The following MARK4 variants were observed in gnomAD, a reference collection of about 807,000 sequenced individuals.
The protein encoded by MARK4 is microtubule affinity regulating kinase 4.
In MARK4, 19 loss-of-function variants were observed where a neutral mutation model predicts 81.5. The observed-to-expected ratio is 0.23, with a 90% CI of 0.16 to 0.34. The LOEUF is 0.34. Ranked by LOEUF, MARK4 falls within the 10% of genes least tolerant of loss-of-function variation. MARK4 has a pLI of 1.00. For synonymous variants in MARK4, 436 were observed against 439.0 expected, an observed-to-expected ratio of 0.99 and a Z score of 0.08; for missense variants, 772 against 1,058.8, an observed-to-expected ratio of 0.73 and a Z score of 3.76.
In MARK4 at chr19:45,297,679, A is replaced by T. The variant is rs765196292; in HGVS notation, c.1602A>T (p.Ser534=). The part of the protein sequence containing the change: ...SLLPNGKENS[S]GTPRVPPASP... ...ACTTGTCTGTCTCTGCCCACAGCTCAGGCACCCCACGGGTGCCCCCTGCCT... is the reference window on the plus strand; with the variant it reads ...ACTTGTCTGTCTCTGCCCACAGCTCTGGCACCCCACGGGTGCCCCCTGCCT... The change falls in exon 15 of 17, where the codon TCA becomes TCT. Residue 534 remains serine (S), a synonymous_variant. Coordinates refer to ENST00000262891, the MANE Select transcript of MARK4 (RefSeq NM_001199867.2). 2.0e-6 allele frequency: 3 copies of T among 1,519,794 alleles called. No individual in the cohort carries two copies. The African/African-American group carries it at 4.2e-5, about 21-fold the overall frequency. The allele number at this position is 1,519,794 out of a possible 1,614,324, so 94.1% of individuals were successfully genotyped here.
chr19:45,291,418 G>C (rs566438739), intron 13 of MARK4, among the ~76,000 whole-genome samples: 1 of 152,294 alleles, frequency 6.6e-6, no homozygotes, highest in South Asian at 2.1e-4. Context: ...AGGCCGAGGC[G>C]GTGAATCACT....
At chr19:45,257,988 CTT>C (rs750146000) in intron 1 of MARK4, among the ~76,000 whole-genome samples, 146 of 131,564 alleles carry the variant, frequency 1.1e-3, no homozygotes, top group Admixed American at 1.7e-3. Flanking sequence ...CATGCCTGGC[CTT>C]TTTTTTTTTT....
At chr19:45,274,776 T>A (rs1050537052) in intron 8 of MARK4, among the ~76,000 whole-genome samples, 1 of 152,178 alleles carries the variant, frequency 6.6e-6, no homozygotes, top group Non-Finnish European at 1.5e-5. Flanking sequence ...GCCAGGCCAG[T>A]GTCTTACCTG....
chr19:45,259,885 G>A (rs191728949), intron 2 of MARK4, among the ~76,000 whole-genome samples: 99 of 151,916 alleles, frequency 6.5e-4, no homozygotes, highest in African/African-American at 2.1e-3. Flanking sequence ...TCAGGAGTTC[G>A]AGACCAGCCT....
intron 1 of MARK4, among the ~76,000 whole-genome samples, chr19:45,254,037 A>G (rs1433275281): frequency 6.6e-6 from 1 of 151,940 alleles, no homozygotes; most frequent in Admixed American, 6.6e-5. Flanking sequence ...CCTGGTGGGG[A>G]GTCACTTGCC....
chr19:45,259,685 G>A (rs76742857), intron 2 of MARK4, among the ~76,000 whole-genome samples: 3 of 152,168 alleles, frequency 2.0e-5, no homozygotes, highest in African/African-American at 7.2e-5. Flanking sequence ...TGAGGCGGGA[G>A]GATCGCTTGA....
At chr19:45,266,175 G>A (rs369336218) in intron 6 of MARK4, 50 bp from the exon 7 acceptor site, 274 of 1,590,970 alleles carry the variant, frequency 1.7e-4, no homozygotes, top group Non-Finnish European at 2.2e-4. Flanking sequence ...ACTGAGGGAG[G>A]CTGAGGGTTT....
intron 10 of MARK4, 103 bp downstream of exon 10, chr19:45,278,718 C>A: frequency 1.1e-6 from 1 of 878,568 alleles, no homozygotes; most frequent in Non-Finnish European, 1.8e-6. Context: ...ATTCTTGTGC[C>A]TCAGCCTCCC....
At chr19:45,284,383 C>T (rs944087322) in intron 12 of MARK4, among the ~76,000 whole-genome samples, 5 of 150,094 alleles carry the variant, frequency 3.3e-5, no homozygotes, top group Admixed American at 6.7e-5. Context: ...AGTGCAGTGG[C>T]GCAATCTTGG....
chr19:45,288,036 C>A, intron 13 of MARK4: 1 of 278,192 alleles, frequency 3.6e-6, no homozygotes, highest in Non-Finnish European at 7.0e-6. Context: ...GCCAGGAGTT[C>A]AAGAAGCATA....
intron 13 of MARK4, among the ~76,000 whole-genome samples, chr19:45,291,898 C>T (rs1970825508): frequency 6.6e-6 from 1 of 152,210 alleles, no homozygotes; most frequent in Admixed American, 6.5e-5. Context: ...GGCACTGGGG[C>T]CCTGCTGAAG....
chr19:45,271,457 C>T lies in MARK4; in HGVS notation c.550-15C>T, dbSNP rs1173842755. ...CTTGAGTCCCACTTTCCGCCCTCTC[C>T]TTCTCTCCCTGCAGGCTGAGAACCT... On this transcript the variant is annotated splice_polypyrimidine_tract_variant and intron_variant, in intron 7 of 16. Coordinates refer to ENST00000262891, the MANE Select transcript of MARK4 (RefSeq NM_001199867.2). The surrounding 1 kb of genome is among the most constrained non-coding windows in gnomAD (Gnocchi z 4.1). The T allele has an allele frequency of 1.2e-6, 2 of 1,612,428 alleles. No individual in the cohort carries two copies. Among genetic ancestry groups the T allele is most frequent in the Non-Finnish European group, 1.7e-6 (2 of 1,178,712 alleles).
intron 8 of MARK4, among the ~76,000 whole-genome samples, chr19:45,276,840 G>C (rs530658318): frequency 6.6e-6 from 1 of 150,756 alleles, no homozygotes; most frequent in African/African-American, 2.4e-5. Context: ...TCGCCATGTT[G>C]GCCTGGCTGG....
chr19:45,298,263 C>G (rs762564511), intron 15 of MARK4: 12 of 1,596,808 alleles, frequency 7.5e-6, no homozygotes, highest in Middle Eastern at 1.6e-4. Context: ...GCTCTGCCTC[C>G]CTGCCTGCAT....
chr19:45,291,314 T>C (rs984744480), intron 13 of MARK4, among the ~76,000 whole-genome samples: 13 of 152,208 alleles, frequency 8.5e-5, no homozygotes, highest in Non-Finnish European at 2.9e-5. Flanking sequence ...CCAAGGGAGC[T>C]GCTCCTTCTG....
chr19:45,289,066 T>C (rs1343767538), intron 13 of MARK4, among the ~76,000 whole-genome samples: 1 of 151,998 alleles, frequency 6.6e-6, no homozygotes, highest in African/African-American at 2.4e-5. Context: ...GGTGTGAGTC[T>C]GAGCCAATTG....
intron 13 of MARK4, among the ~76,000 whole-genome samples, chr19:45,293,834 A>T (rs35176435): frequency 1.1e-4 from 17 of 152,038 alleles, no homozygotes; most frequent in Non-Finnish European, 2.1e-4. Flanking sequence ...GGGAACCCAA[A>T]GGAGGAGGCA....
chr19:45,262,883 G>GAGAGTAGCTGGGATT (rs1970397581), intron 2 of MARK4: 3 of 494,884 alleles, frequency 6.1e-6, no homozygotes, highest in Non-Finnish European at 1.1e-5. Flanking sequence ...TTCCAACTCA[G>GAGAGTAGCTGGGATT]CCTCCAGAGT....
intron 14 of MARK4, among the ~76,000 whole-genome samples, chr19:45,295,497 G>A (rs1429007471): frequency 4.6e-5 from 7 of 152,052 alleles, no homozygotes; most frequent in South Asian, 2.1e-4. Flanking sequence ...GATGCTGGCC[G>A]GGCATGGTGG....
Sources: allele counts gnomAD v4.1 joint callset (sites outside exome capture counted in the v4.1 genomes callset), GRCh38; gene constraint gnomAD v4.1.1; non-coding constraint Gnocchi (gnomAD v3.1); transcripts MANE v1.5; gene names NCBI Gene and HGNC (gene_info 2026-07-23, HGNC 2026-07-21).